The following FRMD4A variants were observed in gnomAD, a reference collection of about 807,000 sequenced individuals.
FRMD4A encodes FERM domain-containing protein 4A.
A neutral mutation model predicts 129.1 loss-of-function variants in FRMD4A; 29 were observed. The observed-to-expected ratio is 0.22, with a 90% confidence interval of 0.17 to 0.31. The LOEUF is 0.31. Among genes scored for constraint, FRMD4A ranks in the 10% least tolerant of loss-of-function variants. FRMD4A has a pLI of 1.00. For missense variants in FRMD4A, 1,272 were observed against 1,375.8 expected, an observed-to-expected ratio of 0.92 and a Z score of 1.19; for synonymous variants, 634 against 571.6, an observed-to-expected ratio of 1.11 and a Z score of -1.56.
At chr10:14,265,628 T>C (rs918274362) in intron 2 of FRMD4A, among the ~76,000 whole-genome samples, 2 of 152,208 alleles carry the variant, frequency 1.3e-5, no homozygotes, top group East Asian at 3.8e-4. Context: ...TCTCTAGTGA[T>C]TTCTGATTAT....
intron 4 of FRMD4A, among the ~76,000 whole-genome samples, chr10:13,803,150 A>AC (rs2093291168): frequency 7.7e-6 from 1 of 129,248 alleles, no homozygotes; most frequent in Non-Finnish European, 1.7e-5. Context: ...TTCCATCTCA[A>AC]AAAAAAAAAA....
chr10:13,721,785 A>C (rs1205989823), intron 12 of FRMD4A, among the ~76,000 whole-genome samples: 1 of 152,264 alleles, frequency 6.6e-6, no homozygotes, highest in Non-Finnish European at 1.5e-5. Flanking sequence ...GAGTCTGGCC[A>C]GTGATCCATT....
chr10:14,007,575 A>G (rs7922582), intron 2 of FRMD4A: 29,680 of 153,178 alleles, frequency 0.19, 3,431 homozygotes, highest in East Asian at 0.45. Context: ...GGAAAAAAGC[A>G]TGTAATCAAC....
At chr10:14,283,799 C>T (rs1307528932) in intron 2 of FRMD4A, among the ~76,000 whole-genome samples, 1 of 152,218 alleles carries the variant, frequency 6.6e-6, no homozygotes, top group Non-Finnish European at 1.5e-5. Context: ...GCAAGTTTCT[C>T]CACCTCTCTG....
At chr10:13,933,013 TAGTC>T (rs1226480288) in intron 2 of FRMD4A, among the ~76,000 whole-genome samples, 4 of 152,014 alleles carry the variant, frequency 2.6e-5, no homozygotes, top group African/African-American at 9.7e-5. Flanking sequence ...ATATAAAAAT[TAGTC>T]AGGCGTGGTG....
chr10:13,766,078 C>A (rs2092278579), intron 6 of FRMD4A, among the ~76,000 whole-genome samples: 1 of 152,242 alleles, frequency 6.6e-6, no homozygotes, highest in Non-Finnish European at 1.5e-5. Flanking sequence ...ATCCGCTAAA[C>A]GAAGATGTCT....
intron 2 of FRMD4A, among the ~76,000 whole-genome samples, chr10:14,088,249 C>G (rs1479925110): frequency 6.6e-6 from 1 of 151,868 alleles, no homozygotes; most frequent in African/African-American, 2.4e-5. Context: ...GGATCTGAGA[C>G]CAGCCTGGGC....
intron 2 of FRMD4A, among the ~76,000 whole-genome samples, chr10:13,948,794 G>T (rs904062253): frequency 1.3e-5 from 2 of 151,632 alleles, no homozygotes; most frequent in African/African-American, 4.8e-5. Context: ...TGGGACTACA[G>T]GTGCGCACCA....
At chr10:13,655,153 G>A (rs2082032719) in intron 22 of FRMD4A, 1 of 152,238 alleles carries the variant, frequency 6.6e-6, no homozygotes, top group African/African-American at 2.4e-5. Context: ...TTAGTAGGAA[G>A]TCAATCCTAC....
rs1843116401 is a variant in FRMD4A, at chr10:14,322,817, G to T, written c.45+7241C>A. ...TTAAGCTTCATATTCTGGCATAGAAGCCAATGAGAAACTGCTACTTGCACC... is the reference window on the plus strand; with the variant it reads ...TTAAGCTTCATATTCTGGCATAGAATCCAATGAGAAACTGCTACTTGCACC... On this transcript the variant is annotated intron_variant, in intron 2 of 24. Transcript: ENST00000357447. Among the ~76,000 whole-genome samples the T allele has an allele frequency of 2.6e-5, 4 of 152,176 alleles. No homozygotes were observed. In the South Asian group the frequency reaches 8.3e-4, roughly 32 times the overall value.
intron 4 of FRMD4A, among the ~76,000 whole-genome samples, 179 bp from the exon 5 acceptor site, chr10:13,796,767 C>T (rs2093128176): frequency 6.6e-6 from 1 of 152,088 alleles, no homozygotes; most frequent in Non-Finnish European, 1.5e-5. Context: ...GTGACCCAGG[C>T]TGGAGTGCAG....
At chr10:14,177,754 G>A (rs577321325) in intron 2 of FRMD4A, among the ~76,000 whole-genome samples, 9 of 152,226 alleles carry the variant, frequency 5.9e-5, no homozygotes, top group South Asian at 4.1e-4. Context: ...AAGGACTTTC[G>A]GAAGGAATTT....
intron 4 of FRMD4A, among the ~76,000 whole-genome samples, chr10:13,807,344 T>G (rs1284794987): frequency 6.6e-6 from 1 of 152,232 alleles, no homozygotes; most frequent in Non-Finnish European, 1.5e-5. Flanking sequence ...GAATCAAGTC[T>G]GTAGTTTAGT....
At chr10:13,740,098 CAAAAGAAAAAGA>C in intron 11 of FRMD4A, 84 bp downstream of exon 11, 1 of 818,024 alleles carries the variant, frequency 1.2e-6, no homozygotes, top group Non-Finnish European at 2.1e-6. Flanking sequence ...GACTCTATCT[CAAAAGAAAAAGA>C]AAAAGAAGAA....
At chr10:13,699,285 C>T (rs1004620451) in intron 14 of FRMD4A, among the ~76,000 whole-genome samples, 1 of 137,536 alleles carries the variant, frequency 7.3e-6, no homozygotes, top group Non-Finnish European at 1.5e-5. Context: ...CCATGTTTGC[C>T]AGGCTGGTCT....
At chr10:14,127,525 T>C (rs7903598) in intron 2 of FRMD4A, among the ~76,000 whole-genome samples, 100,060 of 151,956 alleles carry the variant, frequency 0.66, 33,498 homozygotes, top group East Asian at 0.79. Context: ...GCACTACAGC[T>C]AGACGGCCCA....
chr10:13,779,801 G>GC (rs2130771375), intron 6 of FRMD4A, among the ~76,000 whole-genome samples: 1 of 128,932 alleles, frequency 7.8e-6, no homozygotes, highest in African/African-American at 2.8e-5. Context: ...AAAAAAAAAA[G>GC]CAGTGTCTAT....
At chr10:14,007,934 TAC>T in intron 2 of FRMD4A, 2 of 1,133,560 alleles carry the variant, frequency 1.8e-6, no homozygotes, top group Non-Finnish European at 2.3e-6. Context: ...GATAGTATTC[TAC>T]AGTCCCAGGA....
chr10:13,665,161 C>T (rs529478736), intron 18 of FRMD4A, among the ~76,000 whole-genome samples: 39 of 152,210 alleles, frequency 2.6e-4, no homozygotes, highest in Non-Finnish European at 4.1e-4. Flanking sequence ...TGTGAGCCAC[C>T]TCACCCAGCC....
Sources: allele counts gnomAD v4.1 joint callset (sites outside exome capture counted in the v4.1 genomes callset), GRCh38; gene constraint gnomAD v4.1.1; transcripts MANE v1.5; gene names NCBI Gene and HGNC (gene_info 2026-07-23, HGNC 2026-07-21).